Variants in SLC8A1 observed in about 807,000 individuals in gnomAD.
SLC8A1 encodes sodium/calcium exchanger 1.
SLC8A1 carries 18 observed loss-of-function variants against 68.3 expected under a neutral mutation model. The observed-to-expected ratio is 0.26, with a 90% CI of 0.18 to 0.39. The LOEUF is 0.39. SLC8A1 is among the 10% of genes least tolerant of loss of function. SLC8A1 has a pLI of 1.00. For synonymous variants in SLC8A1, 475 were observed against 415.5 expected (o/e 1.14, Z -1.74); for missense variants, 985 against 1,156.7 (o/e 0.85, Z 2.15).
intron 2 of SLC8A1, among the ~76,000 whole-genome samples, chr2:40,355,717 G>A (rs1672463254): frequency 6.6e-6 from 1 of 152,034 alleles, no homozygotes; most frequent in Non-Finnish European, 1.5e-5. Context: ...AACAAACACT[G>A]GTCCACTGCT....
intron 2 of SLC8A1, among the ~76,000 whole-genome samples, chr2:40,406,068 C>T (rs1690228878): frequency 6.6e-6 from 1 of 152,144 alleles, no homozygotes; most frequent in Non-Finnish European, 1.5e-5. Context: ...ATTGTTTCCA[C>T]TAGTGGAAAA....
At chr2:40,399,985 A>G (rs112401151) in intron 2 of SLC8A1, among the ~76,000 whole-genome samples, 4 of 152,206 alleles carry the variant, frequency 2.6e-5, no homozygotes, top group Admixed American at 6.5e-5. Flanking sequence ...GATTACAGAC[A>G]TTGTATAGAA....
At chr2:40,419,174 G>A (rs1488354212) in intron 2 of SLC8A1, among the ~76,000 whole-genome samples, 1 of 152,202 alleles carries the variant, frequency 6.6e-6, no homozygotes, top group Non-Finnish European at 1.5e-5. Flanking sequence ...GATGCTCATA[G>A]AATATTTGCT....
In SLC8A1 at chr2:40,148,639, G is replaced by A. The variant is rs551347599; in HGVS notation, c.2162-8963C>T. Among the ~76,000 whole-genome samples the A allele has an allele frequency of 2.6e-5, 4 of 152,248 alleles. No homozygotes were observed. In the South Asian group the frequency reaches 8.3e-4, roughly 32 times the overall value. On this transcript the variant is annotated intron_variant, in intron 6 of 7. Transcript: ENST00000406785. ...AACACGGCCCTCCACTGACCGTAAG[G>A]TCCCATGATTTACTTGCTCTTGGCC...
intron 2 of SLC8A1, among the ~76,000 whole-genome samples, chr2:40,265,599 T>C (rs896213480): frequency 6.6e-6 from 1 of 152,152 alleles, no homozygotes; most frequent in Non-Finnish European, 1.5e-5. Context: ...TTACATAGGA[T>C]GGAGGGAGGC....
At chr2:40,145,876 G>A (rs1355647858) in intron 6 of SLC8A1, among the ~76,000 whole-genome samples, 3 of 152,138 alleles carry the variant, frequency 2.0e-5, no homozygotes, top group African/African-American at 4.8e-5. Context: ...TTTACCTTAT[G>A]TCTAGTGACA....
chr2:40,404,034 A>C (rs1689580894), intron 2 of SLC8A1, among the ~76,000 whole-genome samples: 1 of 152,208 alleles, frequency 6.6e-6, no homozygotes, highest in South Asian at 2.1e-4. Context: ...TTAACCTTAG[A>C]CTATCAAGAT....
At chr2:40,439,507 T>G (rs570068034) in intron 1 of SLC8A1, among the ~76,000 whole-genome samples, 13 of 152,296 alleles carry the variant, frequency 8.5e-5, no homozygotes, top group Admixed American at 3.9e-4. Flanking sequence ...CTAGTCTGCC[T>G]CTTGGAACTG....
chr2:40,392,599 T>C (rs925399645), intron 2 of SLC8A1, among the ~76,000 whole-genome samples: 2 of 152,156 alleles, frequency 1.3e-5, no homozygotes, highest in Non-Finnish European at 2.9e-5. Flanking sequence ...GATCTACCAA[T>C]TTGCTGTGTG....
At chr2:40,361,942 C>G (rs1048935516) in intron 2 of SLC8A1, among the ~76,000 whole-genome samples, 6 of 105,328 alleles carry the variant, frequency 5.7e-5, no homozygotes, top group African/African-American at 2.2e-4. Flanking sequence ...GCTCTGTTTC[C>G]CAGGCAGGAG....
Position 40,164,793 on chromosome 2 carries a change from T to A in SLC8A1, c.2061+61A>T, listed in dbSNP as rs192265629. On this transcript the variant is annotated intron_variant, in intron 5 of 7. Coordinates refer to ENST00000406785, the Ensembl canonical transcript of SLC8A1. Reference sequence around the variant, plus strand: ...GTGGATCTTAAGCTTTGGCCAACCCTATGAACAGTTTCTGTCCCAAGGTGA... The same window carrying A: ...GTGGATCTTAAGCTTTGGCCAACCCAATGAACAGTTTCTGTCCCAAGGTGA... 1.9e-4 allele frequency: 298 copies of A among 1,599,620 alleles called. No individual in the cohort carries two copies. The Admixed American group carries it at 4.9e-3, about 26-fold the overall frequency.
intron 2 of SLC8A1, among the ~76,000 whole-genome samples, chr2:40,317,220 C>T (rs1431604548): frequency 1.4e-4 from 22 of 152,112 alleles, no homozygotes; most frequent in South Asian, 2.1e-4. Flanking sequence ...TTCTCTTGTT[C>T]GACTAACTCC....
At chr2:40,137,298 AC>A (rs1273498539) in intron 7 of SLC8A1, among the ~76,000 whole-genome samples, 1 of 152,248 alleles carries the variant, frequency 6.6e-6, no homozygotes, top group Non-Finnish European at 1.5e-5. Context: ...ACTTTCAGGA[AC>A]AAGGATTTCA....
At chr2:40,252,810 A>T (rs2062992598) in intron 2 of SLC8A1, among the ~76,000 whole-genome samples, 1 of 145,022 alleles carries the variant, frequency 6.9e-6, no homozygotes, top group Non-Finnish European at 1.5e-5. Context: ...ATATATGTAC[A>T]TATACATATA....
At chr2:40,216,838 T>C (rs149086053) in intron 2 of SLC8A1, among the ~76,000 whole-genome samples, 2,558 of 152,320 alleles carry the variant, frequency 0.017, 80 homozygotes, top group African/African-American at 0.058. Context: ...CGCCCACTTT[T>C]TGATGGGGTT....
At chr2:40,185,740 A>C (rs556231758) in intron 2 of SLC8A1, among the ~76,000 whole-genome samples, 14 of 152,330 alleles carry the variant, frequency 9.2e-5, no homozygotes, top group African/African-American at 3.1e-4. Flanking sequence ...TAAATGGTTG[A>C]ATCCTATGTT....
rs139817442 is a variant in SLC8A1 at position 40,298,559 on chromosome 2, T to C, written c.1809-120704A>G. On this transcript the variant is annotated intron_variant, in intron 2 of 7. Coordinates refer to ENST00000406785, the Ensembl canonical transcript of SLC8A1. ...TACGTAACAAAATATTCACAAATAT[T>C]CTGCTGTCCCTCAAGCTGATGAATT... Among the ~76,000 whole-genome samples the C allele has an allele frequency of 3.7e-3, 561 of 152,304 alleles. 2 individuals are homozygous for C. Among genetic ancestry groups the C allele is most frequent in the African/African-American group, 0.013 (523 of 41,568 alleles).
At chr2:40,310,736 C>T (rs1217650482) in intron 2 of SLC8A1, among the ~76,000 whole-genome samples, 1 of 152,128 alleles carries the variant, frequency 6.6e-6, no homozygotes, top group African/African-American at 2.4e-5. Context: ...CTTCATCTCC[C>T]TCCACTCAGT....
At chr2:40,168,601 C>G (rs2046944307) in intron 4 of SLC8A1, among the ~76,000 whole-genome samples, 1 of 152,146 alleles carries the variant, frequency 6.6e-6, no homozygotes, top group South Asian at 2.1e-4. Flanking sequence ...TGTTTTCTGT[C>G]TTTAGATACT....
Sources: allele counts gnomAD v4.1 joint callset (sites outside exome capture counted in the v4.1 genomes callset), GRCh38; gene constraint gnomAD v4.1.1; transcripts MANE v1.5; gene names NCBI Gene and HGNC (gene_info 2026-07-23, HGNC 2026-07-21).